The following MEGF10 variants were observed in gnomAD, a reference collection of about 807,000 sequenced individuals.
The protein encoded by MEGF10 is multiple EGF like domains 10.
MEGF10 carries 86 observed loss-of-function variants against 147.5 expected under a neutral mutation model. That is an observed-to-expected ratio of 0.58 (90% CI 0.49 to 0.70). The LOEUF is 0.70. Ranked by LOEUF, MEGF10 falls within the 30% of genes least tolerant of loss-of-function variation. The pLI is 0.00. For missense variants in MEGF10, 1,329 were observed against 1,487.3 expected (o/e 0.89, Z 1.75); for synonymous variants, 478 against 525.5 (o/e 0.91, Z 1.24).
chr5:127,397,329 T>C (rs1437266425), intron 6 of MEGF10, among the ~76,000 whole-genome samples: 1 of 152,242 alleles, frequency 6.6e-6, no homozygotes, highest in Non-Finnish European at 1.5e-5. Context: ...AATGTGAAGA[T>C]ATATGTATTA....
intron 12 of MEGF10, 98 bp downstream of exon 12, chr5:127,420,305 C>T: frequency 7.3e-7 from 1 of 1,364,720 alleles, no homozygotes; most frequent in Non-Finnish European, 9.9e-7. Flanking sequence ...AAGTGGCTCA[C>T]TGTGAACCCA....
At chr5:127,386,569 C>T (rs906574859) in intron 5 of MEGF10, among the ~76,000 whole-genome samples, 2 of 152,180 alleles carry the variant, frequency 1.3e-5, no homozygotes, top group African/African-American at 4.8e-5. Flanking sequence ...TAAAGTAGTT[C>T]TGGGTTTCCT....
At chr5:127,324,465 T>C (rs980983518) in intron 1 of MEGF10, among the ~76,000 whole-genome samples, 1 of 152,076 alleles carries the variant, frequency 6.6e-6, no homozygotes, top group African/African-American at 2.4e-5. Flanking sequence ...CCAAAACAGC[T>C]CTCCTTGATC....
chr5:127,274,041 G>A, the MEGF10 span, among the ~76,000 whole-genome samples: 1 of 152,100 alleles, frequency 6.6e-6, no homozygotes, highest in Non-Finnish European at 1.5e-5. Flanking sequence ...GGACAGCTCT[G>A]GATGTCTATC....
chr5:127,309,965 C>G, intron 1 of MEGF10, among the ~76,000 whole-genome samples: 1 of 64,198 alleles, frequency 1.6e-5, no homozygotes, highest in Non-Finnish European at 3.5e-5. Context: ...TTCTTTCTTT[C>G]TTTCTTTCTT....
intron 1 of MEGF10, among the ~76,000 whole-genome samples, chr5:127,301,628 G>A (rs915320149): frequency 1.3e-5 from 2 of 152,108 alleles, no homozygotes; most frequent in African/African-American, 4.8e-5. Context: ...AAACTGGGCT[G>A]GAATCCCTTC....
At chr5:127,269,500 T>G in the MEGF10 span, among the ~76,000 whole-genome samples, 3 of 152,044 alleles carry the variant, frequency 2.0e-5, no homozygotes, top group African/African-American at 7.2e-5. Context: ...TGATGGAAGA[T>G]CAAATGAATG....
chr5:127,378,470 T>C (rs1200008961), intron 5 of MEGF10, among the ~76,000 whole-genome samples: 1 of 152,192 alleles, frequency 6.6e-6, no homozygotes, highest in African/African-American at 2.4e-5. Flanking sequence ...TATTTATTTT[T>C]GAGACTGGGT....
At chr5:127,270,054 G>A in the MEGF10 span, among the ~76,000 whole-genome samples, 8 of 152,232 alleles carry the variant, frequency 5.3e-5, no homozygotes, top group African/African-American at 1.9e-4. Context: ...TCACCACCAG[G>A]CCTGCCCTAA....
intron 7 of MEGF10, 100 bp downstream of exon 7, chr5:127,398,896 T>A: frequency 6.6e-7 from 1 of 1,512,510 alleles, no homozygotes; most frequent in Non-Finnish European, 9.0e-7. Flanking sequence ...AAAGGAAAGT[T>A]ACCATGATGG....
chr5:127,244,830 T>C, the MEGF10 span, among the ~76,000 whole-genome samples: 806 of 152,228 alleles, frequency 5.3e-3, 6 homozygotes, highest in African/African-American at 0.019. Flanking sequence ...TCACGTATAC[T>C]TTTAAAAAAA....
At chr5:127,247,380 G>T in the MEGF10 span, among the ~76,000 whole-genome samples, 1 of 14,364 alleles carries the variant, frequency 7.0e-5, no homozygotes, top group Non-Finnish European at 1.4e-4. Flanking sequence ...AGAAGAAGAA[G>T]AAGAAGAAGA....
At chr5:127,400,301 C>T (rs1401285271) in intron 7 of MEGF10, among the ~76,000 whole-genome samples, 1 of 152,148 alleles carries the variant, frequency 6.6e-6, no homozygotes, top group African/African-American at 2.4e-5. Flanking sequence ...AGGATGAAGA[C>T]AAGGTGAAAA....
chr5:127,428,858 G>A (rs1055411579), intron 13 of MEGF10, among the ~76,000 whole-genome samples: 11 of 152,228 alleles, frequency 7.2e-5, no homozygotes, highest in African/African-American at 2.2e-4. Flanking sequence ...CAAATGCCCA[G>A]TGAATGCTGA....
At chr5:127,407,371 C>T (rs967074682) in intron 8 of MEGF10, among the ~76,000 whole-genome samples, 2 of 152,136 alleles carry the variant, frequency 1.3e-5, no homozygotes, top group East Asian at 1.9e-4. Flanking sequence ...ACCCCTTACA[C>T]GTTAACTCAC....
intron 5 of MEGF10, among the ~76,000 whole-genome samples, chr5:127,372,564 C>G (rs1053928081): frequency 1.3e-5 from 2 of 152,232 alleles, no homozygotes; most frequent in African/African-American, 2.4e-5. Flanking sequence ...ACTGTCATGT[C>G]TCCCCTGTCT....
chr5:127,455,439 T>C lies in MEGF10; in HGVS notation c.3064T>C (p.Ser1022Pro). ...KNSEYNSSNCSLSSSENPYAT... is the reference protein window; with the variant it reads ...KNSEYNSSNCPLSSSENPYAT... ...TTCTGAATATAATTCAAGTAACTGC[T>C]CCCTAAGCAGTTCTGAGAACCCATA... The change falls in exon 24 of 25, where the codon TCC (serine) becomes CCC (proline). Residue 1022 changes from serine to proline, a missense_variant. By Grantham distance (74) the Ser-to-Pro change is moderately conservative. This residue lies in a region of MEGF10 where 343 missense variants were observed against 377.9 expected (regional missense o/e 0.91). Coordinates refer to ENST00000503335, the MANE Select transcript of MEGF10 (RefSeq NM_001256545.2). 6.2e-7 allele frequency: 1 copy of C among 1,614,096 alleles called. No individual in the cohort carries two copies. The highest frequency in any genetic ancestry group is 1.1e-5 in the South Asian group (1 of 91,066).
intron 13 of MEGF10, among the ~76,000 whole-genome samples, chr5:127,429,773 A>G (rs116786213): frequency 1.4e-3 from 212 of 152,234 alleles, no homozygotes; most frequent in African/African-American, 4.9e-3. Flanking sequence ...GTAAAAGAGC[A>G]CCTGACAGGT....
In MEGF10 at chr5:127,445,847, T is replaced by C. The variant is rs181590874; in HGVS notation, c.2728+154T>C. On this transcript the variant is annotated intron_variant, in intron 20 of 24. Transcript: ENST00000503335. ...TGGAAAAGGTATACATTGCTAGAGA[T>C]GAGTTTTTTATTTCAACAATAGTAA... Among the ~76,000 whole-genome samples the C allele has an allele frequency of 6.6e-5, 10 of 152,312 alleles. No individual in the cohort carries two copies. In the East Asian group the frequency reaches 1.9e-3, roughly 29 times the overall value.
Sources: gnomAD v4.1 joint callset for allele counts (sites outside exome capture counted in the v4.1 genomes callset) on GRCh38, gnomAD v4.1.1 for gene constraint, gnomAD v4.1.1 regional missense constraint, MANE v1.5 for transcripts, NCBI Gene and HGNC (gene_info 2026-07-23, HGNC 2026-07-21) for gene names.